Variants in RAD51B observed in about 807,000 individuals in gnomAD.
RAD51B encodes the protein RAD51 paralog B.
RAD51B carries 38 observed loss-of-function variants against 42.2 expected under a neutral mutation model. The ratio of observed to expected loss-of-function variants is 0.90; its 90% CI spans 0.70 to 1.18. The LOEUF (loss-of-function observed/expected upper bound fraction) is 1.18, where lower values mean the gene tolerates loss of function less well. Among genes scored for constraint, RAD51B ranks in the 50% most tolerant of loss-of-function variants. RAD51B has a pLI of 0.00. For synonymous variants in RAD51B, 154 were observed against 145.2 expected (o/e 1.06, Z -0.43); for missense variants, 373 against 400.7 (o/e 0.93, Z 0.59).
intron 8 of RAD51B, among the ~76,000 whole-genome samples, chr14:68,331,563 A>G (rs1292357261): frequency 6.6e-6 from 1 of 151,980 alleles, no homozygotes; most frequent in East Asian, 1.9e-4. Flanking sequence ...TCCTGTGACT[A>G]TAGTTTTCAT....
At chr14:68,449,587 T>A (rs1039660897) in intron 9 of RAD51B, among the ~76,000 whole-genome samples, 10 of 152,300 alleles carry the variant, frequency 6.6e-5, no homozygotes, top group Non-Finnish European at 1.0e-4. Context: ...TCCCCCCAGC[T>A]GTCCCCAAGA....
chr14:68,588,194 C>T (rs538904469), intron 10 of RAD51B, among the ~76,000 whole-genome samples: 172 of 152,330 alleles, frequency 1.1e-3, no homozygotes, highest in African/African-American at 3.9e-3. Context: ...AGCTCCCTCT[C>T]TGAGCTTCAG....
At chr14:67,832,496 T>C (rs1297782671) in intron 3 of RAD51B, among the ~76,000 whole-genome samples, 1 of 152,228 alleles carries the variant, frequency 6.6e-6, no homozygotes, top group East Asian at 1.9e-4. Context: ...TTAGGTATGT[T>C]ATGTTCTTTA....
At position 68,623,782 on chromosome 14, in the gene RAD51B, A is replaced by G. The variant is rs867832023; in HGVS notation, c.1037-26999A>G. ...GGTAATAGAATATGATGGATAAACC[A>G]GTAGGGCCGGTAAGGCTTTGTGTTT... is the stretch of plus-strand genomic sequence containing the variant. On this transcript the variant is annotated intron_variant, in intron 10 of 11. Coordinates refer to the RAD51B transcript ENST00000488612. 7.9e-5 allele frequency among the ~76,000 whole-genome samples: 12 copies of G among 152,386 alleles called. No homozygotes were observed. The South Asian group carries it at 1.0e-3, about 13-fold the overall frequency.
chr14:68,531,311 A>C (rs1264917194), intron 10 of RAD51B, among the ~76,000 whole-genome samples: 9 of 152,202 alleles, frequency 5.9e-5, no homozygotes, highest in African/African-American at 2.2e-4. Context: ...TGTGTCTATT[A>C]AAAATTGGAG....
At chr14:68,638,182 C>G (rs989569962) in intron 10 of RAD51B, among the ~76,000 whole-genome samples, 2 of 152,310 alleles carry the variant, frequency 1.3e-5, no homozygotes, top group East Asian at 3.9e-4. Context: ...GACATCCTAA[C>G]TCACACATTC....
At chr14:68,423,946 T>C (rs527749888) in intron 9 of RAD51B, among the ~76,000 whole-genome samples, 2 of 152,376 alleles carry the variant, frequency 1.3e-5, no homozygotes, top group African/African-American at 4.8e-5. Flanking sequence ...TTCTGGTTCT[T>C]CTTCTCTGTT....
At chr14:68,454,410 A>C (rs1422260789) in intron 9 of RAD51B, among the ~76,000 whole-genome samples, 1 of 129,914 alleles carries the variant, frequency 7.7e-6, no homozygotes, top group Non-Finnish European at 1.6e-5. Context: ...CAACAGTCTG[A>C]GGAGTGTTTA....
intron 7 of RAD51B, among the ~76,000 whole-genome samples, chr14:68,048,584 T>G (rs565458811): frequency 4.6e-5 from 7 of 152,302 alleles, no homozygotes; most frequent in Middle Eastern, 3.4e-3. Context: ...GGTCTAACAT[T>G]TAAGTCTTTA....
chr14:68,562,231 T>C (rs1594975651), intron 10 of RAD51B: 1 of 985,258 alleles, frequency 1.0e-6, no homozygotes, highest in Non-Finnish European at 1.2e-6. Flanking sequence ...GCCCTTCCAG[T>C]GATACTGAAA....
chr14:68,206,604 T>C (rs1482507316), intron 7 of RAD51B, among the ~76,000 whole-genome samples: 1 of 152,120 alleles, frequency 6.6e-6, no homozygotes, highest in East Asian at 1.9e-4. Flanking sequence ...GTTGATACTG[T>C]ACCAGATCAT....
intron 9 of RAD51B, among the ~76,000 whole-genome samples, chr14:68,418,172 G>A (rs192212739): frequency 1.6e-3 from 249 of 152,242 alleles, no homozygotes; most frequent in African/African-American, 5.8e-3. Context: ...AAAATTAACC[G>A]TTACCACCAT....
At chr14:68,532,579 A>G (rs1887378684) in intron 10 of RAD51B, among the ~76,000 whole-genome samples, 1 of 152,226 alleles carries the variant, frequency 6.6e-6, no homozygotes, top group Admixed American at 6.5e-5. Context: ...GTAGGAAATG[A>G]CTTGCTACCA....
chr14:68,550,340 A>G (rs1888471046), intron 10 of RAD51B, among the ~76,000 whole-genome samples: 1 of 152,192 alleles, frequency 6.6e-6, no homozygotes, highest in African/African-American at 2.4e-5. Flanking sequence ...ACCTTAAGTG[A>G]TTATTCATGG....
chr14:68,012,295 G>A (rs2075697294), intron 7 of RAD51B, among the ~76,000 whole-genome samples: 3 of 152,146 alleles, frequency 2.0e-5, no homozygotes, highest in South Asian at 4.1e-4. Context: ...TAAACTTATA[G>A]TATTAACATT....
chr14:67,925,043 G>A (rs1464836817), intron 7 of RAD51B, among the ~76,000 whole-genome samples: 1 of 152,210 alleles, frequency 6.6e-6, no homozygotes, highest in Non-Finnish European at 1.5e-5. Context: ...CCCCATGCAA[G>A]TCAAAAATCA....
intron 10 of RAD51B, among the ~76,000 whole-genome samples, chr14:68,649,303 G>A (rs986353185): frequency 7.2e-5 from 11 of 152,174 alleles, no homozygotes; most frequent in African/African-American, 1.9e-4. Context: ...TCACAGCTAG[G>A]AACACAGGGG....
chr14:68,058,869 T>C (rs2076522235), intron 7 of RAD51B, among the ~76,000 whole-genome samples: 2 of 152,172 alleles, frequency 1.3e-5, no homozygotes, highest in Admixed American at 1.3e-4. Flanking sequence ...TTTCCACCAA[T>C]AACACATAGG....
intron 8 of RAD51B, among the ~76,000 whole-genome samples, chr14:68,341,682 G>A (rs114389133): frequency 0.017 from 2,520 of 152,180 alleles, 53 homozygotes; most frequent in African/African-American, 0.051. Flanking sequence ...TCTCTGGTCT[G>A]TATCACTTAG....
Sources: gnomAD v4.1 joint callset for allele counts (sites outside exome capture counted in the v4.1 genomes callset) on GRCh38, gnomAD v4.1.1 for gene constraint, MANE v1.5 for transcripts, NCBI Gene and HGNC (gene_info 2026-07-23, HGNC 2026-07-21) for gene names.